Variants in SNTG1 observed in about 807,000 individuals in gnomAD.
The protein encoded by SNTG1 is gamma-1-syntrophin.
A neutral mutation model predicts 74.7 loss-of-function variants in SNTG1; 39 were observed. The observed-to-expected ratio is 0.52, with a 90% CI of 0.40 to 0.68. SNTG1 has a LOEUF of 0.68. SNTG1 is among the 30% of genes least tolerant of loss of function. The pLI, the probability that SNTG1 is intolerant of heterozygous loss-of-function variation, is 0.00. For synonymous variants in SNTG1, 254 were observed against 217.1 expected (o/e 1.17, Z -1.49); for missense variants, 685 against 609.5 (o/e 1.12, Z -1.30).
chr8:50,233,908 A>G (rs1386505898), intron 2 of SNTG1, among the ~76,000 whole-genome samples: 1 of 151,914 alleles, frequency 6.6e-6, no homozygotes, highest in Non-Finnish European at 1.5e-5. Flanking sequence ...AAATGCTGGT[A>G]AAGAGAAAGA....
intron 15 of SNTG1, among the ~76,000 whole-genome samples, chr8:50,697,448 T>C (rs542530976): frequency 1.3e-4 from 20 of 152,314 alleles, no homozygotes; most frequent in African/African-American, 3.8e-4. Flanking sequence ...TTCTGGCTAG[T>C]ACTTTATTAC....
intron 5 of SNTG1, among the ~76,000 whole-genome samples, chr8:50,439,173 T>C (rs1044678994): frequency 6.6e-6 from 1 of 152,120 alleles, no homozygotes; most frequent in Non-Finnish European, 1.5e-5. Flanking sequence ...TATTGACTAT[T>C]AGAGATGTAC....
intron 1 of SNTG1, among the ~76,000 whole-genome samples, chr8:50,057,132 C>G (rs557073669): frequency 8.8e-4 from 134 of 151,940 alleles, no homozygotes; most frequent in Non-Finnish European, 1.5e-3. Flanking sequence ...ACGTGGACAG[C>G]CTCTCTCTAT....
chr8:50,320,156 G>A (rs1448895301), intron 2 of SNTG1, among the ~76,000 whole-genome samples: 1 of 152,118 alleles, frequency 6.6e-6, no homozygotes, highest in African/African-American at 2.4e-5. Flanking sequence ...TTTCTTTACT[G>A]GGAGACTTTT....
At chr8:50,504,145 T>C (rs1368522604) in intron 9 of SNTG1, among the ~76,000 whole-genome samples, 2 of 152,178 alleles carry the variant, frequency 1.3e-5, no homozygotes, top group Non-Finnish European at 2.9e-5. Context: ...TCCAGCTCCA[T>C]CCATCCATGT....
At chr8:50,321,970 C>T (rs2090549575) in intron 2 of SNTG1, among the ~76,000 whole-genome samples, 1 of 152,044 alleles carries the variant, frequency 6.6e-6, no homozygotes, top group South Asian at 2.1e-4. Context: ...GTAGTTTATA[C>T]ATCAAAATTA....
At chr8:50,656,065 T>C (rs2095178483) in intron 13 of SNTG1, among the ~76,000 whole-genome samples, 1 of 151,994 alleles carries the variant, frequency 6.6e-6, no homozygotes, top group Non-Finnish European at 1.5e-5. Flanking sequence ...AAGAAAAAAA[T>C]ATCTAGGAGG....
At chr8:50,571,045 C>T (rs1396174698) in intron 12 of SNTG1, among the ~76,000 whole-genome samples, 1 of 152,152 alleles carries the variant, frequency 6.6e-6, no homozygotes, top group Non-Finnish European at 1.5e-5. Flanking sequence ...GAGCAGTTTT[C>T]CTGAACATAG....
intron 17 of SNTG1, among the ~76,000 whole-genome samples, chr8:50,717,356 T>C (rs2095477543): frequency 6.6e-6 from 1 of 152,232 alleles, no homozygotes; most frequent in African/African-American, 2.4e-5. Context: ...ATTATCATTT[T>C]TGATTTCCAT....
intron 15 of SNTG1, among the ~76,000 whole-genome samples, chr8:50,704,094 C>T (rs1391593309): frequency 1.3e-5 from 2 of 149,940 alleles, no homozygotes; most frequent in East Asian, 3.9e-4. Context: ...TACAGTTACA[C>T]AAGTAAGGTA....
At chr8:50,646,639 C>T (rs2095110906) in intron 13 of SNTG1, among the ~76,000 whole-genome samples, 1 of 152,138 alleles carries the variant, frequency 6.6e-6, no homozygotes. Context: ...AATGCTCCCT[C>T]CTTCCTATTG....
chr8:50,451,597 T>A (rs1046050083), intron 8 of SNTG1, among the ~76,000 whole-genome samples: 1 of 152,144 alleles, frequency 6.6e-6, no homozygotes, highest in Non-Finnish European at 1.5e-5. Context: ...TTTCTTAGAT[T>A]TGTGAATGTA....
At chr8:49,987,909 A>G (rs888702225) in intron 1 of SNTG1, among the ~76,000 whole-genome samples, 1 of 152,064 alleles carries the variant, frequency 6.6e-6, no homozygotes, top group Admixed American at 6.6e-5. Flanking sequence ...CAGCCTCCCA[A>G]AGTTAAATTA....
At chr8:50,257,834 C>T (rs1034833256) in intron 2 of SNTG1, among the ~76,000 whole-genome samples, 5 of 152,174 alleles carry the variant, frequency 3.3e-5, no homozygotes, top group African/African-American at 9.7e-5. Context: ...TTGAATCAGA[C>T]TGTAGAACAA....
chr8:50,611,939 G>A (rs551623931), intron 13 of SNTG1, among the ~76,000 whole-genome samples: 3 of 152,046 alleles, frequency 2.0e-5, no homozygotes, highest in East Asian at 1.9e-4. Flanking sequence ...GCTATTTTTT[G>A]TGGAGACTGG....
At chr8:50,055,681 C>G (rs79720798) in intron 1 of SNTG1, among the ~76,000 whole-genome samples, 15 of 152,136 alleles carry the variant, frequency 9.9e-5, no homozygotes, top group African/African-American at 3.1e-4. Flanking sequence ...CAGCGCTTGT[C>G]TTTCCCATCT....
chr8:50,015,025 A>G (rs977137926), intron 1 of SNTG1, among the ~76,000 whole-genome samples: 45 of 151,508 alleles, frequency 3.0e-4, no homozygotes, highest in African/African-American at 1.1e-3. Flanking sequence ...AAAAAAAAAA[A>G]GCCAACAAAA....
At chr8:50,027,287 C>T (rs1463175278) in intron 1 of SNTG1, among the ~76,000 whole-genome samples, 1 of 152,122 alleles carries the variant, frequency 6.6e-6, no homozygotes, top group Non-Finnish European at 1.5e-5. Flanking sequence ...CTGGCCTTGG[C>T]TTCTCTGATC....
At chr8:50,337,385 G>A (rs963649842) in intron 2 of SNTG1, among the ~76,000 whole-genome samples, 1 of 152,190 alleles carries the variant, frequency 6.6e-6, no homozygotes, top group African/African-American at 2.4e-5. Flanking sequence ...TAGAGGTCAA[G>A]CCTCAAGGGG....
Sources: allele counts gnomAD v4.1 joint callset (sites outside exome capture counted in the v4.1 genomes callset), GRCh38; gene constraint gnomAD v4.1.1; transcripts MANE v1.5; gene names NCBI Gene and HGNC (gene_info 2026-07-23, HGNC 2026-07-21).